ADIPOR2: variants seen among roughly 807,000 people sequenced by gnomAD.
ADIPOR2 encodes adiponectin receptor protein 2.
Under a neutral mutation model 40.9 loss-of-function variants are expected in ADIPOR2, and 18 were observed. That is an observed-to-expected ratio of 0.44 (90% CI 0.30 to 0.65). The LOEUF (loss-of-function observed/expected upper bound fraction) is 0.65. Ranked by LOEUF, ADIPOR2 falls within the 30% of genes least tolerant of loss-of-function variation. The pLI is 0.09. For synonymous variants in ADIPOR2, 165 were observed against 166.4 expected, an observed-to-expected ratio of 0.99 and a Z score of 0.06; for missense variants, 283 against 479.2, an observed-to-expected ratio of 0.59 and a Z score of 3.82.
rs547912563 is a variant in ADIPOR2, at chr12:1,694,530, G to A, written c.-87+3339G>A. Among the ~76,000 whole-genome samples the A allele has an allele frequency of 2.6e-5, 4 of 152,116 alleles. No individual in the cohort carries two copies. In the South Asian group the frequency reaches 6.2e-4, roughly 24 times the overall value. On this transcript the variant is annotated intron_variant, in intron 1 of 7. Transcript: ENST00000357103. Reference sequence around the variant, plus strand: ...TAGTTGTTATACTGTATTGTTTGGGGAATAAAGACAAGAAAAAAAAGTCTG... The same window carrying A: ...TAGTTGTTATACTGTATTGTTTGGGAAATAAAGACAAGAAAAAAAAGTCTG...
chr12:1,720,565 G>A (rs914017290), intron 1 of ADIPOR2, among the ~76,000 whole-genome samples: 1 of 152,158 alleles, frequency 6.6e-6, no homozygotes, highest in Non-Finnish European at 1.5e-5. Flanking sequence ...TTCTCATAAG[G>A]AGCGTGCAAC....
chr12:1,735,235 T>G (rs907231453), intron 1 of ADIPOR2, among the ~76,000 whole-genome samples: 5 of 152,224 alleles, frequency 3.3e-5, no homozygotes, highest in African/African-American at 1.2e-4. Flanking sequence ...GAGCATGGAA[T>G]GTTCTTCCAT....
chr12:1,748,315 C>T (rs1172313334), intron 1 of ADIPOR2, among the ~76,000 whole-genome samples: 2 of 152,140 alleles, frequency 1.3e-5, no homozygotes, highest in Non-Finnish European at 2.9e-5. Context: ...GTGGCGCGAT[C>T]TCGGCTCACT....
chr12:1,729,456 A>G (rs538688799), intron 1 of ADIPOR2, among the ~76,000 whole-genome samples: 1 of 151,436 alleles, frequency 6.6e-6, no homozygotes, highest in Non-Finnish European at 1.5e-5. Flanking sequence ...TTAAAAAATA[A>G]TATATTTATT....
chr12:1,718,376 A>G (rs1342077579), intron 1 of ADIPOR2, among the ~76,000 whole-genome samples: 2 of 152,178 alleles, frequency 1.3e-5, no homozygotes, highest in African/African-American at 2.4e-5. Context: ...AAAGTCCAGC[A>G]TCTATTTTCA....
At chr12:1,781,703 C>T (rs183431563) in intron 6 of ADIPOR2, among the ~76,000 whole-genome samples, 92 of 152,312 alleles carry the variant, frequency 6.0e-4, no homozygotes, top group Admixed American at 1.6e-3. Flanking sequence ...TTGTCTCCTA[C>T]TCAGTGTCAA....
intron 1 of ADIPOR2, among the ~76,000 whole-genome samples, chr12:1,707,860 G>C (rs1237923195): frequency 6.6e-6 from 1 of 152,038 alleles, no homozygotes; most frequent in East Asian, 1.9e-4. Context: ...TAGATGAGGT[G>C]TCTAATTCTT....
intron 1 of ADIPOR2, among the ~76,000 whole-genome samples, chr12:1,743,261 A>G (rs1328084436): frequency 6.8e-6 from 1 of 146,554 alleles, no homozygotes; most frequent in East Asian, 2.0e-4. Flanking sequence ...GCAGTGAGCC[A>G]AGATTGTGCC....
At chr12:1,778,829 A>G (rs967821441) in intron 4 of ADIPOR2, among the ~76,000 whole-genome samples, 1 of 152,238 alleles carries the variant, frequency 6.6e-6, no homozygotes, top group Non-Finnish European at 1.5e-5. Context: ...ACTCAACAAT[A>G]AAGACAACCG....
At chr12:1,719,904 T>C (rs1362984604) in intron 1 of ADIPOR2, among the ~76,000 whole-genome samples, 1 of 152,158 alleles carries the variant, frequency 6.6e-6, no homozygotes, top group Non-Finnish European at 1.5e-5. Flanking sequence ...CTCGACCTCC[T>C]GACCTCAAGT....
chr12:1,761,464 G>A (rs771781148), intron 2 of ADIPOR2, among the ~76,000 whole-genome samples: 2 of 152,126 alleles, frequency 1.3e-5, no homozygotes, highest in Non-Finnish European at 2.9e-5. Flanking sequence ...AGCTGCACCA[G>A]TTTATATTCC....
chr12:1,770,629 T>G (rs766595877), intron 2 of ADIPOR2, among the ~76,000 whole-genome samples: 1 of 152,228 alleles, frequency 6.6e-6, no homozygotes, highest in Non-Finnish European at 1.5e-5. Flanking sequence ...ATTTATTAAT[T>G]TAGCCATCAT....
rs377009528 is a variant in ADIPOR2 at position 1,723,056 on chromosome 12, G to T, written c.-86-31202G>T. 1.4e-3 allele frequency among the ~76,000 whole-genome samples: 212 copies of T among 152,254 alleles called. 1 individual carries two copies. Among genetic ancestry groups the T allele is most frequent in the Middle Eastern group, 3.4e-3 (1 of 294 alleles). On this transcript the variant is annotated intron_variant, in intron 1 of 7. Transcript: ENST00000357103. ...ATATAGAAATTCCTTTCTTTAAAAT[G>T]CCCCATTATGTCTTCTTTGTGCATG...
intron 1 of ADIPOR2, among the ~76,000 whole-genome samples, chr12:1,694,169 C>T (rs74797858): frequency 0.027 from 4,056 of 152,240 alleles, 179 homozygotes; most frequent in African/African-American, 0.092. Flanking sequence ...AATTAAGTAA[C>T]TGTTGGAAGT....
chr12:1,702,682 A>G (rs2094652853), intron 1 of ADIPOR2, among the ~76,000 whole-genome samples: 2 of 152,100 alleles, frequency 1.3e-5, no homozygotes, highest in Non-Finnish European at 1.5e-5. Flanking sequence ...TACTTCGATT[A>G]TGTTTGTTAA....
At chr12:1,776,924 AAGCGCTATTTT>A (rs1862607096) in intron 3 of ADIPOR2, among the ~76,000 whole-genome samples, 1 of 152,228 alleles carries the variant, frequency 6.6e-6, no homozygotes, top group Non-Finnish European at 1.5e-5. Flanking sequence ...GAAGTAACTG[AAGCGCTATTTT>A]ACAAATGAAG....
rs202191962 is a variant in ADIPOR2, at chr12:1,778,044, G to A, written c.463+19G>A. On this transcript the variant is annotated intron_variant, in intron 4 of 7. Transcript: ENST00000357103. ...CTCTTAGGTATGTAATGTCAGTGAT[G>A]TAATGAGCTGGTGATTCACTTTCTT... 6.3e-7 allele frequency: 1 copy of A among 1,598,196 alleles called. No individual in the cohort carries two copies. Among genetic ancestry groups the A allele is most frequent in the Admixed American group, 1.7e-5 (1 of 57,630 alleles).
At chr12:1,762,821 T>C (rs886433985) in intron 2 of ADIPOR2, among the ~76,000 whole-genome samples, 6 of 152,224 alleles carry the variant, frequency 3.9e-5, no homozygotes, top group African/African-American at 1.4e-4. Context: ...ACTGGGACTC[T>C]TGTCATGGGG....
chr12:1,743,310 TAAAAAAA>T (rs137936686), intron 1 of ADIPOR2, among the ~76,000 whole-genome samples: 1 of 88,600 alleles, frequency 1.1e-5, no homozygotes, highest in African/African-American at 4.4e-5. Flanking sequence ...AGACGCTGTC[TAAAAAAA>T]AAAAAAAAAA....
Sources: gnomAD v4.1 joint callset for allele counts (sites outside exome capture counted in the v4.1 genomes callset) on GRCh38, gnomAD v4.1.1 for gene constraint, MANE v1.5 for transcripts, NCBI Gene and HGNC (gene_info 2026-07-23, HGNC 2026-07-21) for gene names.